PLCL1: variants seen among roughly 807,000 people sequenced by gnomAD.
PLCL1 encodes the protein inactive phospholipase C-like protein 1.
Under a neutral mutation model 84.4 loss-of-function variants are expected in PLCL1, and 41 were observed. The ratio of observed to expected loss-of-function variants is 0.49; its 90% confidence interval spans 0.38 to 0.63. The LOEUF (loss-of-function observed/expected upper bound fraction) is 0.63. Ranked by LOEUF, PLCL1 falls within the 30% of genes least tolerant of loss-of-function variation. PLCL1 has a pLI of 0.00. For synonymous variants in PLCL1, 490 were observed against 488.3 expected (o/e 1.00, Z -0.05); for missense variants, 1,206 against 1,367.8 (o/e 0.88, Z 1.87).
At chr2:197,861,071 A>G (rs1172345948) in intron 1 of PLCL1, among the ~76,000 whole-genome samples, 1 of 152,142 alleles carries the variant, frequency 6.6e-6, no homozygotes, top group East Asian at 1.9e-4. Flanking sequence ...CAAAGTGATA[A>G]GCGTCTCTTT....
intron 5 of PLCL1, among the ~76,000 whole-genome samples, chr2:198,139,935 C>CT (rs113375419): frequency 3.6e-4 from 53 of 146,692 alleles, no homozygotes; most frequent in Middle Eastern, 3.6e-3. Context: ...AAATTTCATA[C>CT]TTTTTTTTTT....
At chr2:197,943,097 G>A (rs375619395) in intron 1 of PLCL1, among the ~76,000 whole-genome samples, 3 of 151,198 alleles carry the variant, frequency 2.0e-5, no homozygotes, top group Admixed American at 6.6e-5. Context: ...TGTCGGGGGT[G>A]GGGGAGCCTG....
rs116059744 is a variant in PLCL1, at chr2:197,954,427, G to C, written c.241-129331G>C. On this transcript the variant is annotated intron_variant, in intron 1 of 5. Transcript: ENST00000428675. ...CAGGAAGGCCTGCAGAGAGCTTCAG[G>C]TTAGTTTCTCAGATGTCTTGCCTCC... Among the ~76,000 whole-genome samples, 178 of 152,148 alleles carry C rather than the reference G, an allele frequency of 1.2e-3. 1 individual carries two copies. The highest frequency in any genetic ancestry group is 4.2e-3 in the African/African-American group (174 of 41,558).
intron 1 of PLCL1, among the ~76,000 whole-genome samples, chr2:198,005,117 C>T (rs1403524379): frequency 6.6e-6 from 1 of 152,186 alleles, no homozygotes; most frequent in Non-Finnish European, 1.5e-5. Context: ...TTTAAACTTT[C>T]CTTCCTTCCA....
At chr2:197,957,842 A>C (rs1331878035) in intron 1 of PLCL1, among the ~76,000 whole-genome samples, 1 of 151,934 alleles carries the variant, frequency 6.6e-6, no homozygotes, top group East Asian at 1.9e-4. Flanking sequence ...GTTGGTTTCC[A>C]TTATTTTTAT....
At chr2:197,917,999 G>A (rs1398637052) in intron 1 of PLCL1, among the ~76,000 whole-genome samples, 1 of 152,170 alleles carries the variant, frequency 6.6e-6, no homozygotes, top group Non-Finnish European at 1.5e-5. Context: ...AGAGTACAGT[G>A]TGGAAAGGTG....
At chr2:197,879,779 A>G (rs1316874106) in intron 1 of PLCL1, among the ~76,000 whole-genome samples, 2 of 152,114 alleles carry the variant, frequency 1.3e-5, no homozygotes, top group Admixed American at 1.3e-4. Context: ...CTCATATTCA[A>G]CTTGTTGGAG....
chr2:197,991,349 A>T (rs1213016495), intron 1 of PLCL1, among the ~76,000 whole-genome samples: 1 of 152,020 alleles, frequency 6.6e-6, no homozygotes, highest in African/African-American at 2.4e-5. Context: ...ATGGCAGATG[A>T]TGGGATTTCT....
intron 5 of PLCL1, among the ~76,000 whole-genome samples, chr2:198,119,857 G>A (rs1693829130): frequency 1.3e-5 from 2 of 151,970 alleles, no homozygotes; most frequent in African/African-American, 4.8e-5. Flanking sequence ...GAGGATTACA[G>A]AAGCTCTGCA....
Position 197,817,961 on chromosome 2 carries a change from G to A in PLCL1, c.240+12622G>A, listed in dbSNP as rs546854073. Among the ~76,000 whole-genome samples the A allele has an allele frequency of 7.9e-5, 12 of 152,120 alleles. No individual in the cohort carries two copies. The South Asian group carries it at 2.5e-3, about 32-fold the overall frequency. On this transcript the variant is annotated intron_variant, in intron 1 of 5. Coordinates refer to ENST00000428675, the MANE Select transcript of PLCL1 (RefSeq NM_006226.4). The stretch of plus-strand genomic sequence containing the variant: ...GGCACCTGACACCTTAACACACTTA[G>A]CAGTGATCGTTGGACCCAAAGCTCT...
chr2:198,015,186 C>T (rs923952032), intron 1 of PLCL1, among the ~76,000 whole-genome samples: 1 of 152,062 alleles, frequency 6.6e-6, no homozygotes, highest in Non-Finnish European at 1.5e-5. Flanking sequence ...GGTTATTTTA[C>T]TGTTCTTGCC....
chr2:197,952,736 C>T (rs1043448551), intron 1 of PLCL1, among the ~76,000 whole-genome samples: 10 of 151,996 alleles, frequency 6.6e-5, no homozygotes, highest in African/African-American at 2.4e-4. Flanking sequence ...ATTATGTTGG[C>T]GGTTTCCCCC....
At chr2:197,833,915 G>GTA (rs1691126214) in intron 1 of PLCL1, among the ~76,000 whole-genome samples, 1 of 152,034 alleles carries the variant, frequency 6.6e-6, no homozygotes, top group Non-Finnish European at 1.5e-5. Flanking sequence ...ACTTCAAACT[G>GTA]TACTACAAGG....
At chr2:197,984,270 T>G (rs1463502753) in intron 1 of PLCL1, among the ~76,000 whole-genome samples, 1 of 152,224 alleles carries the variant, frequency 6.6e-6, no homozygotes, top group Non-Finnish European at 1.5e-5. Flanking sequence ...TCTTTTGAGT[T>G]ACTTTACAAA....
intron 5 of PLCL1, among the ~76,000 whole-genome samples, chr2:198,130,784 C>A (rs1299124445): frequency 6.6e-6 from 1 of 152,098 alleles, no homozygotes; most frequent in Admixed American, 6.5e-5. Flanking sequence ...TTAATACCTC[C>A]CTAGGAAACT....
chr2:197,834,698 G>C (rs1691146239), intron 1 of PLCL1, among the ~76,000 whole-genome samples: 1 of 152,222 alleles, frequency 6.6e-6, no homozygotes, highest in African/African-American at 2.4e-5. Flanking sequence ...TACACTGTTG[G>C]TGGGAGTGTA....
At chr2:197,903,724 C>T (rs1312486630) in intron 1 of PLCL1, among the ~76,000 whole-genome samples, 1 of 135,750 alleles carries the variant, frequency 7.4e-6, no homozygotes, top group African/African-American at 2.8e-5. Flanking sequence ...GGGATGGTCT[C>T]GATCTCCTGA....
chr2:197,967,910 G>A (rs1179678955), intron 1 of PLCL1, among the ~76,000 whole-genome samples: 3 of 152,168 alleles, frequency 2.0e-5, no homozygotes, highest in Non-Finnish European at 2.9e-5. Context: ...CATCTTGGGT[G>A]ACTTTTGATT....
chr2:198,099,207 T>C (rs1321155070), intron 3 of PLCL1, among the ~76,000 whole-genome samples: 3 of 152,096 alleles, frequency 2.0e-5, no homozygotes, highest in African/African-American at 7.2e-5. Context: ...TCAGGGATTA[T>C]CTGAGGACAT....
Sources: allele counts gnomAD v4.1 joint callset (sites outside exome capture counted in the v4.1 genomes callset), GRCh38; gene constraint gnomAD v4.1.1; transcripts MANE v1.5; gene names NCBI Gene and HGNC (gene_info 2026-07-23, HGNC 2026-07-21).